Variants in GIGYF2 observed in about 807,000 individuals in gnomAD.
The protein encoded by GIGYF2 is GRB10-interacting GYF protein 2.
A neutral mutation model predicts 208.1 loss-of-function variants in GIGYF2; 25 were observed. That is an observed-to-expected ratio of 0.12 (90% CI 0.09 to 0.17). The LOEUF is 0.17. GIGYF2 is among the 10% of genes least tolerant of loss of function. The probability of loss-of-function intolerance (pLI) is 1.00; values close to 1 mark genes in which losing one functional copy is unlikely to be tolerated. For missense variants in GIGYF2, 1,302 were observed against 1,579.4 expected (o/e 0.82, Z 2.98); for synonymous variants, 534 against 543.8 (o/e 0.98, Z 0.25).
In GIGYF2 at chr2:232,705,021, G is replaced by A. The variant is rs1003918141; in HGVS notation, c.-44+1532G>A. 9.9e-5 allele frequency among the ~76,000 whole-genome samples: 15 copies of A among 151,644 alleles called. No individual in the cohort carries two copies. The South Asian group carries it at 2.5e-3, about 25-fold the overall frequency. ...ATTACAGGTGCCCGCCACCACGCCC[G>A]GCCAATTTTTTGTATTTTCAGTAGA... On this transcript the variant is annotated intron_variant, in intron 2 of 28. Coordinates refer to ENST00000373563, the MANE Select transcript of GIGYF2 (RefSeq NM_001103146.3).
intron 23 of GIGYF2, among the ~76,000 whole-genome samples, chr2:232,843,562 CAAAAAAAAAAA>C (rs577833427): frequency 1.1e-5 from 1 of 91,574 alleles, no homozygotes; most frequent in African/African-American, 4.4e-5. Flanking sequence ...GACCCTGTCT[CAAAAAAAAAAA>C]AAAAAAAAGT....
chr2:232,742,106 T>C (rs1697990142), intron 3 of GIGYF2, among the ~76,000 whole-genome samples: 1 of 152,182 alleles, frequency 6.6e-6, no homozygotes, highest in Non-Finnish European at 1.5e-5. Flanking sequence ...TGTGTGAACA[T>C]AAGGCAAGGA....
Position 232,742,749 on chromosome 2 carries a change from A to G in GIGYF2, c.42-4866A>G, listed in dbSNP as rs561154648. 5.3e-5 allele frequency among the ~76,000 whole-genome samples: 8 copies of G among 152,280 alleles called. No homozygotes were observed. In the East Asian group the frequency reaches 1.5e-3, roughly 29 times the overall value. ...GGTAATTGGGTATGAGAGATGGTAGAAGGTGAGGAGTAAAGTATGAATCCC... is the reference window on the plus strand; with the variant it reads ...GGTAATTGGGTATGAGAGATGGTAGGAGGTGAGGAGTAAAGTATGAATCCC... On this transcript the variant is annotated intron_variant, in intron 3 of 28. Transcript: ENST00000373563.
At chr2:232,730,037 A>C (rs1697388755) in intron 2 of GIGYF2, 1 of 854,412 alleles carries the variant, frequency 1.2e-6, no homozygotes, top group East Asian at 2.4e-5. Context: ...GATTATACCA[A>C]CGAAGGGCAT....
intron 2 of GIGYF2, among the ~76,000 whole-genome samples, chr2:232,708,936 C>T (rs1696258199): frequency 6.6e-6 from 1 of 152,060 alleles, no homozygotes; most frequent in South Asian, 2.1e-4. Context: ...GCCTGGGCAA[C>T]ATGGAGAATC....
intron 2 of GIGYF2, chr2:232,729,506 A>G (rs1697354552): frequency 1.6e-6 from 2 of 1,216,682 alleles, no homozygotes; most frequent in Non-Finnish European, 2.2e-6. Flanking sequence ...TTTAAATGCC[A>G]TGACCCAGGA....
At chr2:232,698,448 A>G (rs2106235432) in intron 1 of GIGYF2, 1 of 152,288 alleles carries the variant, frequency 6.6e-6, no homozygotes, top group South Asian at 2.1e-4. Context: ...CTTTCTTTAT[A>G]TAGTATGTCC....
At chr2:232,769,418 C>T (rs1161915355) in intron 8 of GIGYF2, among the ~76,000 whole-genome samples, 1 of 149,166 alleles carries the variant, frequency 6.7e-6, no homozygotes, top group Non-Finnish European at 1.5e-5. Context: ...GTAATCCCAG[C>T]TACTCAGGAG....
At chr2:232,848,780 GAA>G (rs1491248621) in intron 27 of GIGYF2, among the ~76,000 whole-genome samples, 1 of 152,186 alleles carries the variant, frequency 6.6e-6, no homozygotes, top group Non-Finnish European at 1.5e-5. Flanking sequence ...CCTTAACTGG[GAA>G]TATATGCCTT....
chr2:232,838,334 A>G (rs571116094), intron 22 of GIGYF2, among the ~76,000 whole-genome samples: 2 of 152,212 alleles, frequency 1.3e-5, no homozygotes, highest in South Asian at 4.1e-4. Context: ...ATAGAGAGAA[A>G]TAGGGAGTCA....
chr2:232,843,181 G>GTGTGTGTGTA (rs1553538114), intron 23 of GIGYF2: 2 of 146,390 alleles, frequency 1.4e-5, no homozygotes, highest in African/African-American at 5.1e-5. Context: ...GTGTGTGTGT[G>GTGTGTGTGTA]TATAATCTGT....
At chr2:232,830,817 CAA>C in intron 21 of GIGYF2, among the ~76,000 whole-genome samples, 2 of 150,410 alleles carry the variant, frequency 1.3e-5, no homozygotes, top group South Asian at 4.3e-4. Flanking sequence ...CCTGTCTCTA[CAA>C]AAAAAAAATA....
chr2:232,776,262 C>G, intron 8 of GIGYF2: 1 of 483,322 alleles, frequency 2.1e-6, no homozygotes, highest in Non-Finnish European at 3.7e-6. Flanking sequence ...TTCAATATGG[C>G]TGTTATTGCA....
Position 232,794,838 on chromosome 2 carries a change from C to T in GIGYF2, c.1373C>T (p.Pro458Leu). The T allele has an allele frequency of 6.2e-7, 1 of 1,613,742 alleles. No homozygotes were observed. The highest frequency in any genetic ancestry group is 8.5e-7 in the Non-Finnish European group (1 of 1,179,650). The change falls in exon 13 of 29, where the codon CCT becomes CTT. Residue 458 changes from proline to leucine, a missense_variant. Around this residue, in one of 8 missense-constraint regions of GIGYF2, gnomAD observed 235 missense variants for 218.8 expected, o/e 1.07. Transcript: ENST00000373563. The stretch of plus-strand genomic sequence containing the variant: ...ATACTTCCACCTCCTGTTCCCAATC[C>T]TAGTCCTACTCTCCGGCCAGTTGAA... ...LLILPPPVPN[P>L]SPTLRPVETP... is the part of the protein sequence containing the mutation.
In GIGYF2 at chr2:232,818,998, G is replaced by T. The variant is rs1394735136; in HGVS notation, c.2371-829G>T. Among the ~76,000 whole-genome samples, 6 of 150,322 alleles carry T rather than the reference G, an allele frequency of 4.0e-5. 1 individual carries two copies. The highest frequency in any genetic ancestry group is 6.6e-5 in the Admixed American group (1 of 15,112). On this transcript the variant is annotated intron_variant, in intron 20 of 28. Transcript: ENST00000373563. Reference sequence around the variant, plus strand: ...TTTTTTTTCTTTTTCTTTTTTTGTTGTTGGGGGGAATTCACCATTCATGTG... The same window carrying T: ...TTTTTTTTCTTTTTCTTTTTTTGTTTTTGGGGGGAATTCACCATTCATGTG...
chr2:232,860,481 TTGC>T lies in GIGYF2; in HGVS notation c.*3622_*3624del, dbSNP rs1209463891. 4 of 150,820 alleles carry T rather than the reference TTGC, an allele frequency of 2.7e-5. No individual in the cohort carries two copies. Among genetic ancestry groups the T allele is most frequent in the Non-Finnish European group, 5.9e-5 (4 of 67,796 alleles). The allele number at this position is 150,820 out of a possible 1,614,324, so 9.3% of individuals were successfully genotyped here. ...CATATATGTTATATACGTATATATA[TTGC>T]ACCCTACTTTAAAATTGACTGATAA... On this transcript the variant is annotated 3_prime_UTR_variant, in exon 29 of 29. Transcript: ENST00000373563.
intron 22 of GIGYF2, among the ~76,000 whole-genome samples, chr2:232,835,860 C>T (rs2106412280): frequency 6.6e-6 from 1 of 152,196 alleles, no homozygotes; most frequent in East Asian, 1.9e-4. Context: ...TTGTTCTTAA[C>T]CCATTTCCCG....
intron 18 of GIGYF2, among the ~76,000 whole-genome samples, chr2:232,815,145 T>G (rs560697740): frequency 6.6e-6 from 1 of 152,308 alleles, no homozygotes; most frequent in African/African-American, 2.4e-5. Flanking sequence ...AACACAAAAT[T>G]AACCATTTTA....
chr2:232,794,401 T>G (rs1352427985), intron 12 of GIGYF2, among the ~76,000 whole-genome samples: 1 of 152,160 alleles, frequency 6.6e-6, no homozygotes, highest in Non-Finnish European at 1.5e-5. Context: ...AGATTTAGGG[T>G]GCATTGTTAA....
Sources: allele counts gnomAD v4.1 joint callset (sites outside exome capture counted in the v4.1 genomes callset), GRCh38; gene constraint gnomAD v4.1.1; regional missense constraint gnomAD v4.1.1; transcripts MANE v1.5; gene names NCBI Gene and HGNC (gene_info 2026-07-23, HGNC 2026-07-21).